Variants in TM9SF3 observed in about 807,000 individuals in gnomAD.
The protein encoded by TM9SF3 is transmembrane 9 superfamily member 3.
In TM9SF3, 14 loss-of-function variants were observed where a neutral mutation model predicts 78.6. The ratio of observed to expected loss-of-function variants is 0.18; its 90% CI spans 0.12 to 0.28. TM9SF3 has a LOEUF of 0.28. Among genes scored for constraint, TM9SF3 ranks in the 10% least tolerant of loss-of-function variants. The pLI is 1.00. For synonymous variants in TM9SF3, 231 were observed against 241.7 expected, an observed-to-expected ratio of 0.96 and a Z score of 0.41; for missense variants, 496 against 721.9, an observed-to-expected ratio of 0.69 and a Z score of 3.59.
rs1195605935 is a variant in TM9SF3 at position 96,520,972 on chromosome 10, T to G, written c.*1291A>C. On this transcript the variant is annotated 3_prime_UTR_variant, in exon 15 of 15. Transcript: ENST00000371142. ...ATCTTCAAATTGCAAACACATCTAT[T>G]TCCACAAAACAATTTGGTCAGGAAA... 8 of 396,794 alleles carry G rather than the reference T, an allele frequency of 2.0e-5. No individual in the cohort carries two copies. The highest frequency in any genetic ancestry group is 3.6e-5 in the Non-Finnish European group (8 of 224,362). 24.6% of individuals were successfully genotyped at this position (396,794 alleles called of 1,614,324 possible).
chr10:96,565,914 C>T (rs1370438037), intron 2 of TM9SF3, among the ~76,000 whole-genome samples: 1 of 152,042 alleles, frequency 6.6e-6, no homozygotes, highest in Non-Finnish European at 1.5e-5. Context: ...ATGAAAACAC[C>T]CAGTGACTAT....
intron 4 of TM9SF3, chr10:96,560,568 CAGG>C (rs1564936073): frequency 8.7e-6 from 6 of 688,532 alleles, no homozygotes; most frequent in African/African-American, 7.0e-5. Flanking sequence ...AGAAGATGAA[CAGG>C]AGGAGGCGAA....
rs1267275504 is a variant in TM9SF3 at position 96,586,720 on chromosome 10, C to T, written c.102+14G>A. 3 of 1,224,188 alleles carry T rather than the reference C, an allele frequency of 2.5e-6. No individual in the cohort carries two copies. Among genetic ancestry groups the T allele is most frequent in the South Asian group, 7.5e-5 (2 of 26,512 alleles). 75.8% of individuals were successfully genotyped at this position (1,224,188 alleles called of 1,614,324 possible). On this transcript the variant is annotated intron_variant, in intron 1 of 14. Transcript: ENST00000371142. ...AGCTAGCCCGGGGCGGCCGCGCCGGCCGGGGCGCCTCACCGTGTGTTCGTG... is the reference window on the plus strand; with the variant it reads ...AGCTAGCCCGGGGCGGCCGCGCCGGTCGGGGCGCCTCACCGTGTGTTCGTG...
At position 96,586,992 on chromosome 10, in the gene TM9SF3, T is replaced by G; in HGVS notation, c.-157A>C. On this transcript the variant is annotated 5_prime_UTR_variant, in exon 1 of 15. Coordinates refer to ENST00000371142, the MANE Select transcript of TM9SF3 (RefSeq NM_020123.4). Reference sequence around the variant, plus strand: ...GCCGCTGCCTCCTCTGCCGCCGCCGTCGCCGTCACCGCCCGCTCCTGAGCC... The same window carrying G: ...GCCGCTGCCTCCTCTGCCGCCGCCGGCGCCGTCACCGCCCGCTCCTGAGCC... 5 of 450,132 alleles carry G rather than the reference T, an allele frequency of 1.1e-5. No individual in the cohort carries two copies. Among genetic ancestry groups the G allele is most frequent in the Non-Finnish European group, 1.6e-5 (5 of 311,468 alleles). The allele number at this position is 450,132 out of a possible 1,614,324, so 27.9% of individuals were successfully genotyped here.
rs569119004 is a variant in TM9SF3 at position 96,518,585 on chromosome 10, T to C, written c.*3678A>G. 4 of 152,284 alleles carry C rather than the reference T, an allele frequency of 2.6e-5. No individual in the cohort carries two copies. In the East Asian group the frequency reaches 7.7e-4, roughly 29 times the overall value. 9.4% of individuals were successfully genotyped at this position (152,284 alleles called of 1,614,324 possible). A position where few individuals can be genotyped will look rare whatever the true frequency, so the allele number is the denominator to read the frequency against. On this transcript the variant is annotated 3_prime_UTR_variant, in exon 15 of 15. Coordinates refer to ENST00000371142, the MANE Select transcript of TM9SF3 (RefSeq NM_020123.4). ...ATTTCCATTCCTAACAGTGGAATAATAACTTAATTTTGTTTACTTTTGTCT... is the reference window on the plus strand; with the variant it reads ...ATTTCCATTCCTAACAGTGGAATAACAACTTAATTTTGTTTACTTTTGTCT...
At chr10:96,565,566 T>G in intron 2 of TM9SF3, 140 bp from the exon 3 acceptor site, 1 of 969,248 alleles carries the variant, frequency 1.0e-6, no homozygotes, top group Non-Finnish European at 1.5e-6. Context: ...GATAAATAAG[T>G]GTGGGTTCAG....
At chr10:96,558,417 TG>T (rs940760882) in intron 5 of TM9SF3, among the ~76,000 whole-genome samples, 8 of 151,904 alleles carry the variant, frequency 5.3e-5, no homozygotes, top group Non-Finnish European at 1.0e-4. Context: ...TAAGGGCAGG[TG>T]GATCACTTGA....
At position 96,530,561 on chromosome 10, in the gene TM9SF3, A is replaced by G; in HGVS notation, c.1373T>C (p.Phe458Ser). ...TTACATTTCAATAAAGATTGAACCAAAAGGTAAAATTCCACCCAGGCAAAC... is the reference window on the plus strand; with the variant it reads ...TTACATTTCAATAAAGATTGAACCAGAAGGTAAAATTCCACCCAGGCAAAC... ...VIVCLGGILP[F>S]GSIFIEMYFI... is the part of the protein sequence containing the mutation. Residue 458 changes from phenylalanine to serine, a missense_variant, in exon 11 of 15, where the codon TTT (phenylalanine) becomes TCT (serine). By Grantham distance (155) the Phe-to-Ser change is radical. Coordinates refer to ENST00000371142, the MANE Select transcript of TM9SF3 (RefSeq NM_020123.4). The G allele has an allele frequency of 6.2e-7, 1 of 1,612,590 alleles. No homozygotes were observed. The highest frequency in any genetic ancestry group is 8.5e-7 in the Non-Finnish European group (1 of 1,179,218).
chr10:96,536,391 A>AT (rs966547939), intron 9 of TM9SF3, among the ~76,000 whole-genome samples: 1 of 152,098 alleles, frequency 6.6e-6, no homozygotes. Context: ...TTGATAATCT[A>AT]TTTTTTTAAA....
At chr10:96,572,971 T>C (rs1848455641) in intron 2 of TM9SF3, among the ~76,000 whole-genome samples, 1 of 152,204 alleles carries the variant, frequency 6.6e-6, no homozygotes, top group Non-Finnish European at 1.5e-5. Flanking sequence ...GTAATCATCA[T>C]TTTACAAAAC....
intron 14 of TM9SF3, among the ~76,000 whole-genome samples, chr10:96,522,834 C>A (rs1847795050): frequency 6.6e-6 from 1 of 151,740 alleles, no homozygotes; most frequent in Non-Finnish European, 1.5e-5. Flanking sequence ...CTGACAGCTT[C>A]TTTTTTATTT....
chr10:96,576,745 G>C lies in TM9SF3; in HGVS notation c.187C>G (p.Leu63Val). 1 of 1,610,654 alleles carries C rather than the reference G, an allele frequency of 6.2e-7. No homozygotes were observed. The highest frequency in any genetic ancestry group is 8.5e-7 in the Non-Finnish European group (1 of 1,178,638). ...NRQETYKYFS[L>V]PFCVGSKKSI... Reference sequence around the variant, plus strand: ...TTTTTTGACCCCACACAGAATGGAAGTGAAAAGTACTTATATGTTTCTTGA... The same window carrying C: ...TTTTTTGACCCCACACAGAATGGAACTGAAAAGTACTTATATGTTTCTTGA... The change falls in exon 2 of 15, where the codon CTT becomes GTT. Residue 63 changes from leucine (L) to valine (V), a missense_variant. By Grantham distance (32) the Leu-to-Val change is conservative. Around this residue, in one of 4 missense-constraint regions of TM9SF3, gnomAD observed 155 missense variants for 241.6 expected, o/e 0.64. Transcript: ENST00000371142.
chr10:96,582,463 A>G (rs1466391368), intron 1 of TM9SF3, among the ~76,000 whole-genome samples: 1 of 152,230 alleles, frequency 6.6e-6, no homozygotes. Context: ...TCGGAATCTT[A>G]GGAGACATAG....
chr10:96,552,884 T>C (rs767056329), intron 6 of TM9SF3, 44 bp downstream of exon 6: 3 of 1,448,932 alleles, frequency 2.1e-6, no homozygotes, highest in South Asian at 3.1e-5. Context: ...AACTTAACAC[T>C]CAGTTAAAAT....
intron 1 of TM9SF3, among the ~76,000 whole-genome samples, chr10:96,579,223 T>G (rs1180083199): frequency 1.3e-5 from 2 of 152,118 alleles, no homozygotes; most frequent in Non-Finnish European, 2.9e-5. Flanking sequence ...ACCCTGACTG[T>G]AAGAGTACCT....
chr10:96,570,198 CAG>C (rs1848424245), intron 2 of TM9SF3, among the ~76,000 whole-genome samples: 1 of 152,166 alleles, frequency 6.6e-6, no homozygotes, highest in Non-Finnish European at 1.5e-5. Context: ...GTGCTTAAAA[CAG>C]TGTCCGGCAC....
At chr10:96,525,459 A>T (rs1458571527) in intron 14 of TM9SF3, among the ~76,000 whole-genome samples, 1 of 152,050 alleles carries the variant, frequency 6.6e-6, no homozygotes, top group Non-Finnish European at 1.5e-5. Flanking sequence ...GTGCGCACAC[A>T]CATGATCACA....
At chr10:96,539,888 A>G (rs1332960889) in intron 9 of TM9SF3, among the ~76,000 whole-genome samples, 3 of 152,178 alleles carry the variant, frequency 2.0e-5, no homozygotes, top group African/African-American at 7.2e-5. Flanking sequence ...ACTACGGGAG[A>G]GTCTTGGTTT....
rs757923908 is a variant in TM9SF3, at chr10:96,544,146, C to T, written c.1115G>A (p.Gly372Asp). The T allele has an allele frequency of 5.6e-6, 9 of 1,613,178 alleles. No individual in the cohort carries two copies. In the East Asian group the frequency reaches 6.7e-5, roughly 12 times the overall value. Residue 372 changes from glycine to aspartate, a missense_variant, in exon 9 of 15, where the codon GGC becomes GAC. This residue lies in a region of TM9SF3 where 280 missense variants were observed against 422.6 expected (regional missense o/e 0.66). Coordinates refer to ENST00000371142, the MANE Select transcript of TM9SF3 (RefSeq NM_020123.4). ...TATGAAATTGATGAAGAAGGCAGTG[C>T]CACACACCATAGCTGGGATAAGGAA... is the stretch of plus-strand genomic sequence containing the variant. Reference protein sequence around the residue: ...GAFLIPAMVCGTAFFINFIAI... With the variant: ...GAFLIPAMVCDTAFFINFIAI...
Sources: allele counts gnomAD v4.1 joint callset (sites outside exome capture counted in the v4.1 genomes callset), GRCh38; gene constraint gnomAD v4.1.1; regional missense constraint gnomAD v4.1.1; transcripts MANE v1.5; gene names NCBI Gene and HGNC (gene_info 2026-07-23, HGNC 2026-07-21).